Variants in ZC3H12B observed in about 807,000 individuals in gnomAD.
ZC3H12B encodes the protein probable ribonuclease ZC3H12B.
In ZC3H12B, 7 loss-of-function variants were observed where a neutral mutation model predicts 43.9. The ratio of observed to expected loss-of-function variants is 0.16; its 90% CI spans 0.09 to 0.30. The LOEUF (loss-of-function observed/expected upper bound fraction) is 0.30. Ranked by LOEUF, ZC3H12B falls within the 10% of genes least tolerant of loss-of-function variation. The pLI is 1.00. For missense variants in ZC3H12B, 475 were observed against 670.2 expected, an observed-to-expected ratio of 0.71 and a Z score of 3.22; for synonymous variants, 222 against 241.7, an observed-to-expected ratio of 0.92 and a Z score of 0.76.
At chrX:65,172,106 C>G in the ZC3H12B span, among the ~76,000 whole-genome samples, 1 of 112,578 alleles carries the variant, frequency 8.9e-6, no homozygotes, top group East Asian at 2.8e-4. Context: ...TTCTGTGTCA[C>G]TGACACTGGG....
chrX:65,060,714 TAAAG>T, the ZC3H12B span, among the ~76,000 whole-genome samples: 1 of 112,341 alleles, frequency 8.9e-6, no homozygotes, highest in Non-Finnish European at 1.9e-5. Flanking sequence ...ACTGGACTCA[TAAAG>T]AAGATATTCT....
At chrX:65,155,132 A>AT in the ZC3H12B span, among the ~76,000 whole-genome samples, 1 of 109,723 alleles carries the variant, frequency 9.1e-6, no homozygotes, top group Non-Finnish European at 1.9e-5. Flanking sequence ...ACTTTTTTGT[A>AT]TTTTTTATAG....
At chrX:65,365,725 G>A (rs991769543), upstream of ZC3H12B, among the ~76,000 whole-genome samples, 2 of 111,156 alleles carry the variant, frequency 1.8e-5, no homozygotes, top group African/African-American at 6.6e-5. Flanking sequence ...TATACATCCA[G>A]ATGGCCTGTT....
At chrX:65,336,865 C>T in the ZC3H12B span, among the ~76,000 whole-genome samples, 12 of 112,330 alleles carry the variant, frequency 1.1e-4, no homozygotes, top group Non-Finnish European at 1.9e-5. Context: ...CCTGTACATG[C>T]CAAATCCTGT....
chrX:65,139,859 A>G, the ZC3H12B span, among the ~76,000 whole-genome samples: 1 of 111,316 alleles, frequency 9.0e-6, no homozygotes, highest in East Asian at 2.8e-4. Flanking sequence ...TATAAATTGG[A>G]ATGTTTTCTA....
the ZC3H12B span, among the ~76,000 whole-genome samples, chrX:65,188,004 A>G: frequency 1.8e-5 from 2 of 111,056 alleles, no homozygotes; most frequent in East Asian, 5.6e-4. Context: ...CTTGATCTAC[A>G]TGAGTTCAAT....
At chrX:65,377,987 T>A (rs2066371229) in intron 2 of ZC3H12B, among the ~76,000 whole-genome samples, 1 of 110,456 alleles carries the variant, frequency 9.1e-6, no homozygotes, top group Admixed American at 9.7e-5. Context: ...TAGTCCCAGC[T>A]ACTCGGGAGA....
the ZC3H12B span, among the ~76,000 whole-genome samples, chrX:65,054,900 A>G: frequency 1.8e-5 from 2 of 110,809 alleles, no homozygotes; most frequent in African/African-American, 6.6e-5. Context: ...TCTGTTATTG[A>G]TGTATAAGAA....
the ZC3H12B span, among the ~76,000 whole-genome samples, chrX:65,247,267 G>T: frequency 1.8e-5 from 2 of 112,254 alleles, no homozygotes; most frequent in Non-Finnish European, 3.8e-5. Flanking sequence ...GGAGAAAGAG[G>T]AATGCTTATA....
the ZC3H12B span, among the ~76,000 whole-genome samples, chrX:65,083,849 AATTAT>A: frequency 1.7e-4 from 19 of 112,236 alleles, no homozygotes; most frequent in African/African-American, 6.1e-4. Context: ...ATTGACTTCA[AATTAT>A]ATTATACTAC....
At chrX:65,214,767 C>T in the ZC3H12B span, among the ~76,000 whole-genome samples, 1 of 111,416 alleles carries the variant, frequency 9.0e-6, no homozygotes, top group Non-Finnish European at 1.9e-5. Flanking sequence ...TGATTTTTTT[C>T]CAGAGGGTTT....
At chrX:65,320,542 A>C in the ZC3H12B span, among the ~76,000 whole-genome samples, 3 of 112,312 alleles carry the variant, frequency 2.7e-5, no homozygotes, top group Non-Finnish European at 5.6e-5. Context: ...AATAGGAAAA[A>C]AAACTATTTC....
the ZC3H12B span, among the ~76,000 whole-genome samples, chrX:65,350,707 C>A: frequency 9.0e-6 from 1 of 111,648 alleles, no homozygotes; most frequent in Non-Finnish European, 1.9e-5. Flanking sequence ...CGTGAGTGAA[C>A]TCCCGTTCAC....
At chrX:65,312,900 G>A in the ZC3H12B span, among the ~76,000 whole-genome samples, 1 of 110,823 alleles carries the variant, frequency 9.0e-6, no homozygotes, top group Non-Finnish European at 1.9e-5. Flanking sequence ...TTTGTTTTTT[G>A]AGACAGATTC....
chrX:65,058,611 A>C, the ZC3H12B span, among the ~76,000 whole-genome samples: 117 of 112,078 alleles, frequency 1.0e-3, no homozygotes, highest in African/African-American at 3.5e-3. Flanking sequence ...GCTGTCAGAC[A>C]GGGACATTTA....
the ZC3H12B span, among the ~76,000 whole-genome samples, chrX:65,262,144 C>T: frequency 9.0e-6 from 1 of 111,066 alleles, no homozygotes; most frequent in African/African-American, 3.3e-5. Context: ...ATATAACCTA[C>T]TATATAATCA....
chrX:65,487,028 T>G (rs2148220983), upstream of ZC3H12B, among the ~76,000 whole-genome samples: 1 of 112,637 alleles, frequency 8.9e-6, no homozygotes, highest in South Asian at 3.6e-4. Flanking sequence ...ATGTGGAACT[T>G]ATAAGGAAAT....
At chrX:65,119,199 G>T in the ZC3H12B span, among the ~76,000 whole-genome samples, 136 of 111,426 alleles carry the variant, frequency 1.2e-3, no homozygotes, top group African/African-American at 4.2e-3. Context: ...GGTATTTCTA[G>T]TTCTAGATCC....
the ZC3H12B span, among the ~76,000 whole-genome samples, chrX:65,229,116 C>T: frequency 9.1e-6 from 1 of 110,318 alleles, no homozygotes; most frequent in African/African-American, 3.3e-5. Context: ...AGGCATCACA[C>T]TACCTGACTT....
Sources: gnomAD v4.1 joint callset for allele counts (sites outside exome capture counted in the v4.1 genomes callset) on GRCh38, gnomAD v4.1.1 for gene constraint, MANE v1.5 for transcripts, NCBI Gene and HGNC (gene_info 2026-07-23, HGNC 2026-07-21) for gene names.